The following CHIC1 variants were observed in gnomAD, a reference collection of about 807,000 sequenced individuals.
The protein encoded by CHIC1 is cysteine rich hydrophobic domain 1, also known as cysteine-rich hydrophobic domain-containing protein 1.
In CHIC1, 7 loss-of-function variants were observed where a neutral mutation model predicts 18.5. The observed-to-expected ratio is 0.38, with a 90% confidence interval of 0.22 to 0.71. CHIC1 has a LOEUF of 0.71. Ranked by LOEUF, CHIC1 falls within the 30% of genes least tolerant of loss-of-function variation. The pLI is 0.49. For missense variants in CHIC1, 159 were observed against 176.9 expected (o/e 0.90, Z 0.57); for synonymous variants, 77 against 73.5 (o/e 1.05, Z -0.25).
intron 3 of CHIC1, among the ~76,000 whole-genome samples, chrX:73,677,467 A>G (rs1391313398): frequency 1.8e-5 from 2 of 111,248 alleles, no homozygotes; most frequent in Non-Finnish European, 3.8e-5. Context: ...CCTCACTGCC[A>G]CCTTACAGTT....
At chrX:73,649,295 T>C (rs1239818436) in intron 3 of CHIC1, among the ~76,000 whole-genome samples, 8 of 111,365 alleles carry the variant, frequency 7.2e-5, no homozygotes, top group African/African-American at 2.6e-4. Context: ...CATCAACTAG[T>C]GCGCAAAATA....
intron 3 of CHIC1, among the ~76,000 whole-genome samples, chrX:73,591,589 A>AAAT (rs1238808804): frequency 9.0e-6 from 1 of 111,400 alleles, no homozygotes; most frequent in African/African-American, 3.3e-5. Flanking sequence ...TCACCTTATT[A>AAAT]ATGTTTTCTT....
At position 73,589,928 on chromosome X, in the gene CHIC1, T is replaced by C. The variant is rs779176006; in HGVS notation, c.507+5356T>C. On this transcript the variant is annotated intron_variant, in intron 3 of 5. Transcript: ENST00000373502. Reference sequence around the variant, plus strand: ...TCTGCACTTTAAATACTATATGCCATCCCACTGCCTCTGACCTTCATGGTT... The same window carrying C: ...TCTGCACTTTAAATACTATATGCCACCCCACTGCCTCTGACCTTCATGGTT... 1.4e-4 allele frequency among the ~76,000 whole-genome samples: 16 copies of C among 111,520 alleles called. No individual in the cohort carries two copies. In the East Asian group the frequency reaches 4.5e-3, roughly 32 times the overall value.
intron 3 of CHIC1, among the ~76,000 whole-genome samples, chrX:73,655,473 T>C (rs866968318): frequency 4.4e-5 from 3 of 68,128 alleles, no homozygotes; most frequent in African/African-American, 1.5e-4. Flanking sequence ...TATATATATA[T>C]ACATATATAC....
At chrX:73,619,588 G>T (rs1396868197) in intron 3 of CHIC1, among the ~76,000 whole-genome samples, 1 of 110,682 alleles carries the variant, frequency 9.0e-6, no homozygotes, top group Non-Finnish European at 1.9e-5. Context: ...TTACCATAAG[G>T]CTTGCAAATA....
In CHIC1 at chrX:73,596,408, A is replaced by G. The variant is rs184525002; in HGVS notation, c.507+11836A>G. Reference sequence around the variant, plus strand: ...TAAACAAATGGAAAAACATTCCATGATCATAGATAAGAAGAATCAATATTG... The same window carrying G: ...TAAACAAATGGAAAAACATTCCATGGTCATAGATAAGAAGAATCAATATTG... On this transcript the variant is annotated intron_variant, in intron 3 of 5. Coordinates refer to ENST00000373502, the MANE Select transcript of CHIC1 (RefSeq NM_001039840.4). Among the ~76,000 whole-genome samples the G allele has an allele frequency of 3.4e-3, 376 of 111,748 alleles. 1 individual carries two copies. Among genetic ancestry groups the G allele is most frequent in the Non-Finnish European group, 5.1e-3 (270 of 53,093 alleles).
chrX:73,623,519 T>TCTTTG (rs370989751), intron 3 of CHIC1, among the ~76,000 whole-genome samples: 5 of 110,786 alleles, frequency 4.5e-5, no homozygotes, highest in African/African-American at 1.6e-4. Flanking sequence ...GTTTTTTTTT[T>TCTTTG]CTTTGCATTT....
rs867291740 is a variant in CHIC1 at position 73,574,575 on chromosome X, T to C, written c.297-2832T>C. Among the ~76,000 whole-genome samples, 7 of 110,103 alleles carry C rather than the reference T, an allele frequency of 6.4e-5. No homozygotes were observed. The Middle Eastern group carries it at 0.014, about 216-fold the overall frequency. On this transcript the variant is annotated intron_variant, in intron 1 of 5. Coordinates refer to ENST00000373502, the MANE Select transcript of CHIC1 (RefSeq NM_001039840.4). Reference sequence around the variant, plus strand: ...ATGGTCTTGAGCTTTTTTTGGTTGGTTGGTGTTTTATTTCTGATTCAATTT... The same window carrying C: ...ATGGTCTTGAGCTTTTTTTGGTTGGCTGGTGTTTTATTTCTGATTCAATTT...
intron 3 of CHIC1, among the ~76,000 whole-genome samples, chrX:73,597,596 T>C (rs906955178): frequency 8.6e-5 from 9 of 105,235 alleles, no homozygotes; most frequent in East Asian, 2.9e-4. Context: ...TATACACACA[T>C]ATATATATAC....
chrX:73,581,126 G>A (rs2057524788), intron 2 of CHIC1, among the ~76,000 whole-genome samples: 1 of 110,395 alleles, frequency 9.1e-6, no homozygotes, highest in Non-Finnish European at 1.9e-5. Flanking sequence ...GCAGTGTTTG[G>A]GGATTGTAAG....
Position 73,681,896 on chromosome X carries a change from C to T in CHIC1, c.*891C>T, listed in dbSNP as rs2058100720. On this transcript the variant is annotated 3_prime_UTR_variant, in exon 6 of 6. Coordinates refer to ENST00000373502, the MANE Select transcript of CHIC1 (RefSeq NM_001039840.4). ...CCATTTTGTTGTCTACTCCTTCCCA[C>T]AAAAAAACTATTTGACATCTGACAC... 3.6e-5 allele frequency: 4 copies of T among 111,891 alleles called. No individual in the cohort carries two copies. The allele number at this position is 111,891 out of a possible 1,213,427, so 9.2% of individuals were successfully genotyped here. A position where few individuals can be genotyped will look rare whatever the true frequency, so the allele number is the denominator to read the frequency against.
intron 3 of CHIC1, among the ~76,000 whole-genome samples, chrX:73,640,879 G>A (rs1165165011): frequency 2.7e-5 from 3 of 111,031 alleles, no homozygotes; most frequent in Non-Finnish European, 5.7e-5. Flanking sequence ...CTTGTTTTCT[G>A]CTAGCTTTGT....
intron 5 of CHIC1, among the ~76,000 whole-genome samples, chrX:73,680,428 G>GT (rs2058092867): frequency 9.0e-6 from 1 of 110,879 alleles, no homozygotes; most frequent in African/African-American, 3.3e-5. Context: ...AAATATCCGA[G>GT]TTTTTTAAAA....
At chrX:73,609,257 G>A (rs1444457182) in intron 3 of CHIC1, among the ~76,000 whole-genome samples, 2 of 108,154 alleles carry the variant, frequency 1.8e-5, no homozygotes, top group African/African-American at 7.2e-5. Flanking sequence ...CGGTGAAAGT[G>A]TGCATTGTTA....
chrX:73,655,500 A>G (rs896786786), intron 3 of CHIC1, among the ~76,000 whole-genome samples: 1 of 83,906 alleles, frequency 1.2e-5, no homozygotes, highest in African/African-American at 4.5e-5. Context: ...TTGTGTATAT[A>G]TATATACATA....
At chrX:73,599,677 G>C (rs2057632299) in intron 3 of CHIC1, among the ~76,000 whole-genome samples, 1 of 103,193 alleles carries the variant, frequency 9.7e-6, no homozygotes, top group South Asian at 4.3e-4. Flanking sequence ...GCTCTGTTCT[G>C]TTCCATTGAT....
chrX:73,581,998 A>G (rs2057530001), intron 2 of CHIC1, among the ~76,000 whole-genome samples: 1 of 110,331 alleles, frequency 9.1e-6, no homozygotes, highest in South Asian at 3.8e-4. Context: ...TGTCTCCCTC[A>G]GTCTTCTAAC....
At chrX:73,612,549 T>C (rs887235563) in intron 3 of CHIC1, among the ~76,000 whole-genome samples, 1 of 112,012 alleles carries the variant, frequency 8.9e-6, no homozygotes, top group Non-Finnish European at 1.9e-5. Context: ...ATTTCATCCC[T>C]AATTTCTTGT....
chrX:73,633,392 C>T (rs2057817303), intron 3 of CHIC1, among the ~76,000 whole-genome samples: 1 of 110,926 alleles, frequency 9.0e-6, no homozygotes, highest in South Asian at 3.8e-4. Context: ...GCTGAGAAAT[C>T]TGCTGATTTT....
Sources: allele counts gnomAD v4.1 joint callset (sites outside exome capture counted in the v4.1 genomes callset), GRCh38; gene constraint gnomAD v4.1.1; transcripts MANE v1.5; gene names NCBI Gene and HGNC (gene_info 2026-07-23, HGNC 2026-07-21).